Variants in SOX6 observed in about 807,000 individuals in gnomAD.
SOX6 encodes the protein transcription factor SOX-6.
In SOX6, 11 loss-of-function variants were observed where a neutral mutation model predicts 97.8. That is an observed-to-expected ratio of 0.11 (90% CI 0.07 to 0.19). The LOEUF (loss-of-function observed/expected upper bound fraction) is 0.19. SOX6 is among the 10% of genes least tolerant of loss of function. The pLI is 1.00. For synonymous variants in SOX6, 360 were observed against 371.4 expected (o/e 0.97, Z 0.35); for missense variants, 810 against 1,039.5 (o/e 0.78, Z 3.04).
intron 1 of SOX6, among the ~76,000 whole-genome samples, chr11:16,424,258 A>T (rs1411139518): frequency 1.3e-5 from 2 of 152,248 alleles, no homozygotes; most frequent in African/African-American, 4.8e-5. Context: ...TTTTAAGAAG[A>T]AATCTGAATT....
chr11:16,521,527 G>C (rs1038205057), intron 4 of SOX6, among the ~76,000 whole-genome samples: 1 of 152,020 alleles, frequency 6.6e-6, no homozygotes, highest in African/African-American at 2.4e-5. Flanking sequence ...CACAAAGATG[G>C]GGAAAAAAAC....
chr11:16,720,782 A>G (rs1327090417), intron 2 of SOX6, among the ~76,000 whole-genome samples: 1 of 152,204 alleles, frequency 6.6e-6, no homozygotes, highest in African/African-American at 2.4e-5. Flanking sequence ...AGTATGAGTA[A>G]TTTTTATGTA....
chr11:16,573,130 A>G (rs1442943097), intron 4 of SOX6, among the ~76,000 whole-genome samples: 3 of 152,220 alleles, frequency 2.0e-5, no homozygotes, highest in Non-Finnish European at 4.4e-5. Flanking sequence ...ACATGAAACC[A>G]GAGCTCTGCA....
At chr11:16,665,043 G>T (rs1008892019) in intron 3 of SOX6, among the ~76,000 whole-genome samples, 3 of 151,986 alleles carry the variant, frequency 2.0e-5, no homozygotes, top group Admixed American at 2.0e-4. Flanking sequence ...ATAATCAGCA[G>T]GGGTAACCAG....
intron 4 of SOX6, among the ~76,000 whole-genome samples, chr11:16,579,315 A>G (rs968082465): frequency 2.6e-5 from 4 of 151,924 alleles, no homozygotes; most frequent in African/African-American, 9.7e-5. Context: ...AAATGCACTA[A>G]TCCTAAATTC....
intron 9 of SOX6, among the ~76,000 whole-genome samples, chr11:16,085,595 C>T (rs1343306928): frequency 6.6e-6 from 1 of 152,186 alleles, no homozygotes; most frequent in Non-Finnish European, 1.5e-5. Context: ...TCACTTTCCA[C>T]AGTCTCTCAG....
intron 6 of SOX6, among the ~76,000 whole-genome samples, chr11:16,133,090 G>T (rs1849863141): frequency 6.6e-6 from 1 of 152,174 alleles, no homozygotes; most frequent in South Asian, 2.1e-4. Flanking sequence ...CTTATTAAAA[G>T]AGGGTATTGC....
At chr11:16,005,417 A>C (rs1854519625) in intron 13 of SOX6, among the ~76,000 whole-genome samples, 1 of 151,966 alleles carries the variant, frequency 6.6e-6, no homozygotes. Flanking sequence ...AGAGACCATT[A>C]TCTTGTGAAC....
chr11:16,236,547 A>C (rs1853030340), intron 3 of SOX6, among the ~76,000 whole-genome samples: 1 of 152,020 alleles, frequency 6.6e-6, no homozygotes, highest in African/African-American at 2.4e-5. Context: ...ATATCAGTGC[A>C]CTAAGCTAAT....
rs189533711 is a variant in SOX6, at chr11:15,969,598, A to G, written c.*3211T>C. The G allele has an allele frequency of 3.3e-5, 5 of 152,252 alleles. No individual in the cohort carries two copies. Among genetic ancestry groups the G allele is most frequent in the Admixed American group, 3.3e-4 (5 of 15,296 alleles). The allele number at this position is 152,252 out of a possible 1,614,324, so 9.4% of individuals were successfully genotyped here. On this transcript the variant is annotated 3_prime_UTR_variant, in exon 16 of 16. Transcript: ENST00000683767. ...CCCCGAGAGGCACAGTGACTCATCAACTTTCAGTTTGGACCAACATCTATG... is the reference window on the plus strand; with the variant it reads ...CCCCGAGAGGCACAGTGACTCATCAGCTTTCAGTTTGGACCAACATCTATG...
chr11:16,401,894 T>C (rs970718925), intron 1 of SOX6, among the ~76,000 whole-genome samples: 1 of 151,422 alleles, frequency 6.6e-6, no homozygotes, highest in African/African-American at 2.4e-5. Context: ...AGAATAAATA[T>C]GAAGGTTTCT....
In SOX6 at chr11:16,318,468, TTCC is replaced by T; in HGVS notation, c.420_422del (p.Glu141del). 6.2e-7 allele frequency: 1 copy of T among 1,613,440 alleles called. No individual in the cohort carries two copies. ...TACCCTCTTGTTCAGTCCGAGTCAT[TTCC>T]TCAAGCTTCTTCTGTTTCAGTGTGT... On this transcript the variant is annotated inframe_deletion, in exon 3 of 16. Coordinates refer to ENST00000683767, the MANE Select transcript of SOX6 (RefSeq NM_001367873.1).
At chr11:16,717,231 A>G (rs1266514226) in intron 2 of SOX6, among the ~76,000 whole-genome samples, 4 of 152,194 alleles carry the variant, frequency 2.6e-5, no homozygotes, top group African/African-American at 9.6e-5. Flanking sequence ...AGAGCGTTAC[A>G]GATGGAAGAA....
rs1853282265 is a variant in SOX6, at chr11:15,970,923, A to G, written c.*1886T>C. The G allele has an allele frequency of 6.6e-6, 1 of 152,632 alleles. No individual in the cohort carries two copies. The highest frequency in any genetic ancestry group is 1.5e-5 in the Non-Finnish European group (1 of 68,056). The allele number at this position is 152,632 out of a possible 1,614,324, so 9.5% of individuals were successfully genotyped here. ...ACCTCTCTGGGGGAAGCCCCCCGAT[A>G]GACAACCTGTCCTAGTTTCAGGAAG... On this transcript the variant is annotated 3_prime_UTR_variant, in exon 16 of 16. Coordinates refer to ENST00000683767, the MANE Select transcript of SOX6 (RefSeq NM_001367873.1).
intron 3 of SOX6, chr11:16,312,548 G>A (rs1243770568): frequency 1.3e-5 from 2 of 152,120 alleles, no homozygotes; most frequent in East Asian, 1.9e-4. Flanking sequence ...ACAAACAGAC[G>A]GTCCTGGATT....
chr11:16,402,760 G>A (rs766125557), intron 1 of SOX6: 5 of 1,606,274 alleles, frequency 3.1e-6, no homozygotes, highest in African/African-American at 1.3e-5. Flanking sequence ...AGAAATATTA[G>A]GAAAAAAAAC....
rs758070656 is a variant in SOX6 at position 16,111,817 on chromosome 11, A to T, written c.884T>A (p.Ile295Lys). The T allele has an allele frequency of 3.1e-6, 5 of 1,613,162 alleles. No individual in the cohort carries two copies. In the Admixed American group the frequency reaches 8.3e-5, roughly 27 times the overall value. ...TCTCTACTTACCTGGTTTGTATGTT[A>T]TTCCAGGGGGGAAGAGGAATCCCTG... ...AQQGFLFPPGITYKPGDNYPV... is the reference protein window; with the variant it reads ...AQQGFLFPPGKTYKPGDNYPV... Residue 295 changes from isoleucine to lysine, a missense_variant, in exon 7 of 16, where the codon ATA (isoleucine) becomes AAA (lysine). By Grantham distance (102) the Ile-to-Lys change is moderately radical (BLOSUM62 -3). This residue lies in a region of SOX6 where 244 missense variants were observed against 261.0 expected (regional missense o/e 0.93). Coordinates refer to ENST00000683767, the MANE Select transcript of SOX6 (RefSeq NM_001367873.1).
rs577213482 is a variant in SOX6 at position 16,614,143 on chromosome 11, A to C, written n.430-1883T>G. Among the ~76,000 whole-genome samples, 4 of 152,274 alleles carry C rather than the reference A, an allele frequency of 2.6e-5. No homozygotes were observed. In the South Asian group the frequency reaches 8.3e-4, roughly 32 times the overall value. Reference sequence around the variant, plus strand: ...CAGGGGCTGCGGCTCCGAAACTCCAAACACTAACTCCCAGGGCAGTGGCAG... The same window carrying C: ...CAGGGGCTGCGGCTCCGAAACTCCACACACTAACTCCCAGGGCAGTGGCAG... On this transcript the variant is annotated intron_variant and non_coding_transcript_variant, in intron 3 of 5. Transcript: ENST00000524520.
intron 12 of SOX6, among the ~76,000 whole-genome samples, chr11:16,022,051 A>G (rs566662772): frequency 6.6e-6 from 1 of 152,130 alleles, no homozygotes; most frequent in Admixed American, 6.5e-5. Flanking sequence ...GATCTCTCTG[A>G]GCCTGTTCCC....
Sources: gnomAD v4.1 joint callset for allele counts (sites outside exome capture counted in the v4.1 genomes callset) on GRCh38, gnomAD v4.1.1 for gene constraint, gnomAD v4.1.1 regional missense constraint, MANE v1.5 for transcripts, NCBI Gene and HGNC (gene_info 2026-07-23, HGNC 2026-07-21) for gene names.